The following LRGUK variants were observed in gnomAD, a reference collection of about 807,000 sequenced individuals.
LRGUK encodes the protein leucine rich repeats and guanylate kinase domain containing.
Under a neutral mutation model 76.0 loss-of-function variants are expected in LRGUK, and 65 were observed. That is an observed-to-expected ratio of 0.85 (90% confidence interval 0.70 to 1.05). The LOEUF (loss-of-function observed/expected upper bound fraction) is 1.05. LRGUK is among the 50% of genes least tolerant of loss of function. LRGUK has a pLI of 0.00. For missense variants in LRGUK, 758 were observed against 732.8 expected (o/e 1.03, Z -0.40); for synonymous variants, 268 against 265.6 (o/e 1.01, Z -0.09).
chr7:134,166,048 C>A (rs1347126359), intron 7 of LRGUK, among the ~76,000 whole-genome samples: 1 of 151,996 alleles, frequency 6.6e-6, no homozygotes, highest in East Asian at 1.9e-4. Context: ...GAGCAACCCG[C>A]AGGCTCCCCA....
chr7:134,164,256 TA>T (rs1218287624), intron 7 of LRGUK, among the ~76,000 whole-genome samples: 1 of 152,134 alleles, frequency 6.6e-6, no homozygotes. Context: ...TTAAAAATAT[TA>T]AAAAGTTTTA....
At chr7:134,242,909 C>A (rs1165515576) in intron 16 of LRGUK, among the ~76,000 whole-genome samples, 1 of 152,120 alleles carries the variant, frequency 6.6e-6, no homozygotes, top group Non-Finnish European at 1.5e-5. Context: ...ATACGCAAAT[C>A]AATAAAGGTA....
chr7:134,131,267 A>G (rs1431655714), intron 1 of LRGUK, among the ~76,000 whole-genome samples: 1 of 152,258 alleles, frequency 6.6e-6, no homozygotes, highest in African/African-American at 2.4e-5. Flanking sequence ...CTGATACAGA[A>G]TAGACTTTCA....
At chr7:134,143,971 C>T (rs1797872164) in intron 4 of LRGUK, among the ~76,000 whole-genome samples, 1 of 152,206 alleles carries the variant, frequency 6.6e-6, no homozygotes, top group Non-Finnish European at 1.5e-5. Context: ...AAGTGGTTCC[C>T]ACACTCTTCT....
chr7:134,245,565 T>A (rs971549220), intron 16 of LRGUK, among the ~76,000 whole-genome samples: 1 of 152,228 alleles, frequency 6.6e-6, no homozygotes, highest in African/African-American at 2.4e-5. Context: ...TTTTTTGACA[T>A]GTTTTTGATT....
At chr7:134,157,074 TAG>T (rs1247578005) in intron 5 of LRGUK, among the ~76,000 whole-genome samples, 1 of 152,158 alleles carries the variant, frequency 6.6e-6, no homozygotes, top group Non-Finnish European at 1.5e-5. Flanking sequence ...ATTGTAGTGT[TAG>T]GTGACTACAA....
chr7:134,267,520 T>C (rs1251473217), downstream of LRGUK, among the ~76,000 whole-genome samples: 2 of 152,164 alleles, frequency 1.3e-5, no homozygotes, highest in Non-Finnish European at 2.9e-5. Flanking sequence ...TGGGAGATAA[T>C]TGAATCATGG....
chr7:134,169,171 C>G lies in LRGUK; in HGVS notation c.940-5385C>G, dbSNP rs1799134805. 2.0e-5 allele frequency among the ~76,000 whole-genome samples: 3 copies of G among 150,186 alleles called. No homozygotes were observed. In the South Asian group the frequency reaches 6.4e-4, roughly 32 times the overall value. ...ACACACACACACACACACACACACACACACACACACACACACACACACACT... is the reference window on the plus strand; with the variant it reads ...ACACACACACACACACACACACACAGACACACACACACACACACACACACT... On this transcript the variant is annotated intron_variant, in intron 7 of 15. Transcript: ENST00000645682.
At chr7:134,234,071 G>A (rs1300439970) in intron 16 of LRGUK, among the ~76,000 whole-genome samples, 1 of 152,138 alleles carries the variant, frequency 6.6e-6, no homozygotes, top group Non-Finnish European at 1.5e-5. Context: ...GCCCAGGAAA[G>A]CCAAAATATT....
intron 19 of LRGUK, among the ~76,000 whole-genome samples, 191 bp downstream of exon 19, chr7:134,258,596 G>T (rs951730046): frequency 1.3e-5 from 2 of 151,860 alleles, no homozygotes. Flanking sequence ...CTACTCGGGA[G>T]GCTGAGGCAA....
downstream of LRGUK, among the ~76,000 whole-genome samples, chr7:134,267,743 G>A (rs1802881340): frequency 6.6e-6 from 1 of 152,054 alleles, no homozygotes; most frequent in African/African-American, 2.4e-5. Flanking sequence ...AGATTACCCA[G>A]TCTACGGTAT....
chr7:134,250,638 C>T (rs1356058480), intron 18 of LRGUK, among the ~76,000 whole-genome samples: 1 of 152,120 alleles, frequency 6.6e-6, no homozygotes, highest in Non-Finnish European at 1.5e-5. Context: ...TAGCTGTCCC[C>T]TCTAAATGGT....
chr7:134,149,101 CTT>C (rs199614031), intron 5 of LRGUK, among the ~76,000 whole-genome samples: 360 of 12,566 alleles, frequency 0.029, 5 homozygotes, highest in East Asian at 0.081. Context: ...AATATGCTTT[CTT>C]TTTTTAAAAA....
At chr7:134,193,656 C>G (rs947885457) in intron 12 of LRGUK, among the ~76,000 whole-genome samples, 3 of 152,140 alleles carry the variant, frequency 2.0e-5, no homozygotes, top group Admixed American at 1.3e-4. Context: ...TGCCTCTGAT[C>G]TCTTTTCCTT....
intron 15 of LRGUK, among the ~76,000 whole-genome samples, chr7:134,216,338 C>A (rs1479409509): frequency 1.3e-5 from 2 of 152,034 alleles, no homozygotes; most frequent in Non-Finnish European, 2.9e-5. Flanking sequence ...TGTGAAAATC[C>A]TTTTTTAAAA....
chr7:134,220,943 C>G (rs1007913516), intron 15 of LRGUK, among the ~76,000 whole-genome samples: 6 of 152,086 alleles, frequency 3.9e-5, no homozygotes, highest in Non-Finnish European at 8.8e-5. Context: ...AAACCTCAGC[C>G]CCTGATGCCC....
At chr7:134,193,981 A>G (rs927837104) in intron 12 of LRGUK, among the ~76,000 whole-genome samples, 3 of 151,976 alleles carry the variant, frequency 2.0e-5, no homozygotes, top group Admixed American at 6.6e-5. Flanking sequence ...ACAACACACA[A>G]TCATCCCCCT....
At chr7:134,246,374 C>T (rs972466459) in intron 16 of LRGUK, among the ~76,000 whole-genome samples, 2 of 152,182 alleles carry the variant, frequency 1.3e-5, no homozygotes, top group Admixed American at 6.5e-5. Context: ...TTAGGTGTGT[C>T]AGTCTTGGCA....
exon 1 of LRGUK, chr7:134,127,567 A>G (rs756051675): frequency 6.2e-7 from 1 of 1,614,112 alleles, no homozygotes; most frequent in Non-Finnish European, 8.5e-7. Flanking sequence ...CAGCTCATGC[A>G]CCGCTATCAG....
Sources: allele counts gnomAD v4.1 joint callset (sites outside exome capture counted in the v4.1 genomes callset), GRCh38; gene constraint gnomAD v4.1.1; transcripts MANE v1.5; gene names NCBI Gene and HGNC (gene_info 2026-07-23, HGNC 2026-07-21).